Variants in TMEM131 observed in about 807,000 individuals in gnomAD.
TMEM131 encodes the protein 2610524E03Rik.
A neutral mutation model predicts 211.6 loss-of-function variants in TMEM131; 66 were observed. The ratio of observed to expected loss-of-function variants is 0.31; its 90% confidence interval spans 0.26 to 0.38. The LOEUF (loss-of-function observed/expected upper bound fraction) is 0.38, where lower values mean the gene tolerates loss of function less well. Among genes scored for constraint, TMEM131 ranks in the 10% least tolerant of loss-of-function variants. The probability of loss-of-function intolerance (pLI) is 1.00; values close to 1 mark genes in which losing one functional copy is unlikely to be tolerated. For synonymous variants in TMEM131, 844 were observed against 841.3 expected, an observed-to-expected ratio of 1.00 and a Z score of -0.06; for missense variants, 2,036 against 2,299.3, an observed-to-expected ratio of 0.89 and a Z score of 2.34.
chr2:97,782,462 T>C lies in TMEM131; in HGVS notation c.4145-6444A>G, dbSNP rs79973117. On this transcript the variant is annotated intron_variant, in intron 31 of 40. Coordinates refer to ENST00000186436, the MANE Select transcript of TMEM131 (RefSeq NM_015348.2). ...GGTTTCAATCTACAGCCACTCTTCA[T>C]ACCAAGAATCAGAAATTTCTCAAAT... is the stretch of plus-strand genomic sequence containing the variant. Among the ~76,000 whole-genome samples the C allele has an allele frequency of 3.4e-3, 519 of 152,266 alleles. 8 individuals are homozygous for C. In the East Asian group the frequency reaches 0.041, roughly 12 times the overall value.
intron 11 of TMEM131, among the ~76,000 whole-genome samples, chr2:97,826,668 G>GA (rs1573420732): frequency 6.6e-6 from 1 of 151,204 alleles, no homozygotes; most frequent in Non-Finnish European, 1.5e-5. Flanking sequence ...GTCAGAAAGA[G>GA]AAAAAAAGAG....
chr2:97,766,277 A>T lies in TMEM131; in HGVS notation c.4574-14T>A. The T allele has an allele frequency of 6.2e-7, 1 of 1,614,012 alleles. No homozygotes were observed. The highest frequency in any genetic ancestry group is 8.5e-7 in the Non-Finnish European group (1 of 1,179,866). On this transcript the variant is annotated splice_polypyrimidine_tract_variant and intron_variant, in intron 34 of 40. Coordinates refer to ENST00000186436, the MANE Select transcript of TMEM131 (RefSeq NM_015348.2). ...ACTTACTTGTACCTGCACAAAAATC[A>T]GAAAAGAACATGGTTAATGGAGAAT...
At chr2:97,796,490 C>A in intron 27 of TMEM131, 86 bp from the exon 28 acceptor site, 1 of 844,618 alleles carries the variant, frequency 1.2e-6, no homozygotes, top group South Asian at 1.8e-5. Flanking sequence ...TCATGAATTA[C>A]TATATGTCAC....
chr2:97,966,541 T>C (rs1206656756), intron 1 of TMEM131, among the ~76,000 whole-genome samples: 1 of 152,150 alleles, frequency 6.6e-6, no homozygotes, highest in African/African-American at 2.4e-5. Flanking sequence ...TCTGACACAG[T>C]GGCCCTCAAT....
rs1160490915 is a variant in TMEM131, at chr2:97,859,345, C to A, written c.442G>T (p.Ala148Ser). 1 of 1,601,206 alleles carries A rather than the reference C, an allele frequency of 6.2e-7. No individual in the cohort carries two copies. Among genetic ancestry groups the A allele is most frequent in the Non-Finnish European group, 8.5e-7 (1 of 1,176,138 alleles). Residue 148 changes from alanine (A) to serine (S), a missense_variant, in exon 5 of 41, where the codon GCT becomes TCT. Around this residue, in one of 3 missense-constraint regions of TMEM131, gnomAD observed 277 missense variants for 378.0 expected, o/e 0.73. Transcript: ENST00000186436. ...EETITLVSIS[A>S]TTSHFHASFF... ...GATGCATGAAAATGTGATGTTGTAG[C>A]AGATATTGATACTAAAGTAATCGTT...
chr2:97,788,953 T>C (rs1680373130), intron 31 of TMEM131, among the ~76,000 whole-genome samples: 1 of 152,226 alleles, frequency 6.6e-6, no homozygotes, highest in Non-Finnish European at 1.5e-5. Context: ...TACCATACAA[T>C]ACATGCATAC....
chr2:97,982,313 C>T (rs953729168), intron 1 of TMEM131, among the ~76,000 whole-genome samples: 2 of 152,030 alleles, frequency 1.3e-5, no homozygotes, highest in Admixed American at 1.3e-4. Context: ...TATTATATAT[C>T]TTTATTAGGA....
intron 11 of TMEM131, among the ~76,000 whole-genome samples, chr2:97,830,233 T>C (rs1474395028): frequency 6.6e-6 from 1 of 150,678 alleles, no homozygotes; most frequent in Admixed American, 6.6e-5. Flanking sequence ...AACACTTAAG[T>C]AGCTGGCCCA....
At chr2:97,857,675 T>C (rs947611680) in intron 5 of TMEM131, among the ~76,000 whole-genome samples, 1 of 152,140 alleles carries the variant, frequency 6.6e-6, no homozygotes, top group Admixed American at 6.5e-5. Context: ...CATCTCTCTA[T>C]AGAAGCTATT....
chr2:97,886,790 T>C (rs1015810102), intron 4 of TMEM131, among the ~76,000 whole-genome samples: 59 of 152,308 alleles, frequency 3.9e-4, no homozygotes, highest in African/African-American at 1.4e-3. Flanking sequence ...CTGCCAGGAG[T>C]AGCCCAAAGG....
At chr2:97,877,984 T>C (rs1199016649) in intron 4 of TMEM131, among the ~76,000 whole-genome samples, 1 of 152,188 alleles carries the variant, frequency 6.6e-6, no homozygotes, top group Non-Finnish European at 1.5e-5. Context: ...ATCCAGAATC[T>C]ACAAGGAACT....
At chr2:97,869,636 A>C (rs1185899889) in intron 4 of TMEM131, among the ~76,000 whole-genome samples, 1 of 152,190 alleles carries the variant, frequency 6.6e-6, no homozygotes, top group African/African-American at 2.4e-5. Flanking sequence ...CACCACAGGA[A>C]GCAAAGGGAG....
intron 31 of TMEM131, among the ~76,000 whole-genome samples, chr2:97,783,945 G>C (rs1042132756): frequency 6.6e-6 from 1 of 151,712 alleles, no homozygotes; most frequent in African/African-American, 2.4e-5. Flanking sequence ...AAGGAAAGCA[G>C]GTGGCTATAT....
At chr2:97,889,039 T>TA (rs1259838537) in intron 3 of TMEM131, among the ~76,000 whole-genome samples, 1 of 152,142 alleles carries the variant, frequency 6.6e-6, no homozygotes, top group Non-Finnish European at 1.5e-5. Context: ...ATTTAGGAGA[T>TA]ACAAGAAATA....
Position 97,814,050 on chromosome 2 carries a change from T to G in TMEM131, c.1538A>C (p.His513Pro), listed in dbSNP as rs748449936. Reference sequence around the variant, plus strand: ...AATAAGTAAAATGTTGTTATCAATGTGCATGGATGATGTGGAAGGCATAAA... The same window carrying G: ...AATAAGTAAAATGTTGTTATCAATGGGCATGGATGATGTGGAAGGCATAAA... Reference protein sequence around the residue: ...LLFMPSTSSMHIDNNILLITN... With the variant: ...LLFMPSTSSMPIDNNILLITN... Residue 513 changes from histidine (H) to proline (P), a missense_variant, in exon 15 of 41, where the codon CAC becomes CCC. Coordinates refer to ENST00000186436, the MANE Select transcript of TMEM131 (RefSeq NM_015348.2). 3 of 1,601,968 alleles carry G rather than the reference T, an allele frequency of 1.9e-6. No homozygotes were observed. Among genetic ancestry groups the G allele is most frequent in the Non-Finnish European group, 2.6e-6 (3 of 1,173,300 alleles).
intron 33 of TMEM131, among the ~76,000 whole-genome samples, chr2:97,770,361 T>C (rs1018363084): frequency 1.3e-5 from 2 of 152,344 alleles, no homozygotes; most frequent in African/African-American, 2.4e-5. Flanking sequence ...TAAAGGAGGA[T>C]AGAAGAAAGG....
rs535753443 is a variant in TMEM131 at position 97,835,040 on chromosome 2, TA to T, written c.805-116del. On this transcript the variant is annotated intron_variant, in intron 8 of 40. Transcript: ENST00000186436. ...GATGAGTATTCTATATACCTATTAA[TA>T]AAAAAAATGCATTGCTAATTAAACC... is the stretch of plus-strand genomic sequence containing the variant. 4.8e-3 allele frequency: 5,124 copies of T among 1,057,472 alleles called. 16 individuals are homozygous for T. The highest frequency in any genetic ancestry group is 6.2e-3 in the Non-Finnish European group (4,629 of 743,104). 65.5% of individuals were successfully genotyped at this position (1,057,472 alleles called of 1,614,324 possible).
chr2:97,911,961 C>T (rs924229795), intron 2 of TMEM131, among the ~76,000 whole-genome samples: 1 of 152,114 alleles, frequency 6.6e-6, no homozygotes, highest in Non-Finnish European at 1.5e-5. Flanking sequence ...GCATAAAAAG[C>T]AGATGGAAAA....
intron 1 of TMEM131, among the ~76,000 whole-genome samples, chr2:97,930,235 GA>G (rs367636811): frequency 5.3e-5 from 8 of 151,876 alleles, no homozygotes; most frequent in African/African-American, 1.9e-4. Context: ...AAACCAACAA[GA>G]AACAACTGGA....
Sources: allele counts gnomAD v4.1 joint callset (sites outside exome capture counted in the v4.1 genomes callset), GRCh38; gene constraint gnomAD v4.1.1; regional missense constraint gnomAD v4.1.1; transcripts MANE v1.5; gene names NCBI Gene and HGNC (gene_info 2026-07-23, HGNC 2026-07-21).